Variants in CHODL observed in about 807,000 individuals in gnomAD.
CHODL encodes transmembrane protein MT75.
Under a neutral mutation model 34.5 loss-of-function variants are expected in CHODL, and 29 were observed. That is an observed-to-expected ratio of 0.84 (90% CI 0.63 to 1.15). The LOEUF is 1.15. CHODL is among the 50% of genes most tolerant of loss of function. CHODL has a pLI of 0.00. For missense variants in CHODL, 332 were observed against 332.5 expected (o/e 1.00, Z 0.01); for synonymous variants, 125 against 116.1 (o/e 1.08, Z -0.49).
At chr21:18,137,654 CATTTACCTCTGA>C (rs2072750157) in intron 2 of CHODL, among the ~76,000 whole-genome samples, 2 of 131,310 alleles carry the variant, frequency 1.5e-5, no homozygotes, top group African/African-American at 8.9e-5. Flanking sequence ...ACAAAATTGT[CATTTACCTCTGA>C]AGCAGATGCT....
At chr21:18,172,832 A>G (rs1315445975) in intron 2 of CHODL, among the ~76,000 whole-genome samples, 2 of 152,186 alleles carry the variant, frequency 1.3e-5, no homozygotes, top group Non-Finnish European at 2.9e-5. Context: ...AAATGTGAGT[A>G]CTGCTCAGGA....
At chr21:18,205,051 A>G (rs1388818567) in intron 2 of CHODL, among the ~76,000 whole-genome samples, 1 of 152,140 alleles carries the variant, frequency 6.6e-6, no homozygotes, top group Non-Finnish European at 1.5e-5. Flanking sequence ...GGTGTAGTTT[A>G]CCTAACAGGT....
intron 2 of CHODL, among the ~76,000 whole-genome samples, chr21:18,181,434 G>A (rs978074642): frequency 6.6e-6 from 1 of 152,142 alleles, no homozygotes; most frequent in Non-Finnish European, 1.5e-5. Context: ...ACGGAGTCTC[G>A]CTCTGTCGCC....
intron 1 of CHODL, among the ~76,000 whole-genome samples, chr21:18,024,502 C>T (rs190279777): frequency 6.6e-6 from 1 of 152,088 alleles, no homozygotes; most frequent in African/African-American, 2.4e-5. Context: ...GTGAGCAAAT[C>T]CAAGGATGTT....
rs4818403 is a variant in CHODL, at chr21:18,136,127, A to G, written c.-45+108156A>G. ...TCTCAAAAAAAAAAAAAGAAAAAGA[A>G]AAAAAAGAAAAAATGAATTTCTACA... On this transcript the variant is annotated intron_variant, in intron 2 of 6. Coordinates refer to the CHODL transcript ENST00000400127. 1.4e-5 allele frequency among the ~76,000 whole-genome samples: 2 copies of G among 147,620 alleles called. 1 individual carries two copies. Among genetic ancestry groups the G allele is most frequent in the Admixed American group, 1.4e-4 (2 of 14,798 alleles).
chr21:18,025,093 G>T (rs529749792), intron 1 of CHODL, among the ~76,000 whole-genome samples: 2 of 152,252 alleles, frequency 1.3e-5, no homozygotes, highest in Non-Finnish European at 2.9e-5. Flanking sequence ...TTAAGGAGCT[G>T]TGTTGTTCTT....
At chr21:18,155,623 C>T (rs11700527) in intron 2 of CHODL, among the ~76,000 whole-genome samples, 25,112 of 152,132 alleles carry the variant, frequency 0.17, 2,237 homozygotes, top group East Asian at 0.23. Context: ...TTAGAGAAAC[C>T]TTGTGGTAGA....
At chr21:17,956,613 T>C (rs1325798802) in intron 1 of CHODL, among the ~76,000 whole-genome samples, 1 of 135,526 alleles carries the variant, frequency 7.4e-6, no homozygotes, top group Non-Finnish European at 1.7e-5. Context: ...GGCTGAGAGG[T>C]CCAAGATCAA....
At chr21:18,107,226 T>G (rs919387362) in intron 2 of CHODL, among the ~76,000 whole-genome samples, 1 of 152,232 alleles carries the variant, frequency 6.6e-6, no homozygotes, top group Non-Finnish European at 1.5e-5. Flanking sequence ...GGAAGCTTAA[T>G]CAGATGGTTG....
intron 2 of CHODL, among the ~76,000 whole-genome samples, chr21:18,038,628 A>G (rs1378109652): frequency 1.3e-5 from 2 of 151,750 alleles, no homozygotes; most frequent in Non-Finnish European, 3.0e-5. Flanking sequence ...ATATTTGATG[A>G]CCACTTAAAG....
At chr21:18,017,613 T>A (rs1391945402) in intron 1 of CHODL, among the ~76,000 whole-genome samples, 1 of 152,194 alleles carries the variant, frequency 6.6e-6, no homozygotes, top group Non-Finnish European at 1.5e-5. Context: ...AGAGGACGTA[T>A]GAAAAGCCTA....
intron 2 of CHODL, among the ~76,000 whole-genome samples, chr21:18,120,876 T>C (rs2065471161): frequency 6.6e-6 from 1 of 152,150 alleles, no homozygotes; most frequent in African/African-American, 2.4e-5. Context: ...CATCCCAATA[T>C]AGTCACCACC....
At chr21:18,207,152 G>A (rs1350367182) in intron 2 of CHODL, among the ~76,000 whole-genome samples, 1 of 152,040 alleles carries the variant, frequency 6.6e-6, no homozygotes, top group Non-Finnish European at 1.5e-5. Context: ...TTCTGTCCTT[G>A]TGATACTTTG....
At chr21:18,194,134 G>A (rs2824703) in intron 2 of CHODL, among the ~76,000 whole-genome samples, 66,159 of 151,930 alleles carry the variant, frequency 0.44, 18,119 homozygotes, top group African/African-American at 0.76. Context: ...GCCTCCCTCC[G>A]TTCACTGTTT....
chr21:18,127,669 A>ATTTTT (rs1285324385), intron 2 of CHODL, among the ~76,000 whole-genome samples: 4 of 76,684 alleles, frequency 5.2e-5, no homozygotes, highest in South Asian at 3.9e-4. Context: ...TTGCGTTGCC[A>ATTTTT]TTGTTTTTTT....
intron 1 of CHODL, among the ~76,000 whole-genome samples, chr21:17,927,751 AAT>A (rs1411769761): frequency 6.6e-6 from 1 of 152,184 alleles, no homozygotes; most frequent in African/African-American, 2.4e-5. Context: ...ATGCTGATAG[AAT>A]ATTCTGATGG....
At chr21:18,057,443 T>G (rs1158945890) in intron 2 of CHODL, among the ~76,000 whole-genome samples, 1 of 152,060 alleles carries the variant, frequency 6.6e-6, no homozygotes, top group African/African-American at 2.4e-5. Context: ...CACAGCCTCA[T>G]TCCATATCAA....
chr21:18,111,619 G>A (rs896725843), intron 2 of CHODL, among the ~76,000 whole-genome samples: 3 of 152,092 alleles, frequency 2.0e-5, no homozygotes, highest in African/African-American at 7.2e-5. Context: ...ATCACAAAGT[G>A]GGTATGCCAT....
intron 2 of CHODL, among the ~76,000 whole-genome samples, chr21:18,175,786 G>C (rs1367779074): frequency 6.6e-6 from 1 of 152,162 alleles, no homozygotes; most frequent in East Asian, 1.9e-4. Flanking sequence ...TCTTTGAGGA[G>C]ATGACATTCA....
Sources: allele counts gnomAD v4.1 joint callset (sites outside exome capture counted in the v4.1 genomes callset), GRCh38; gene constraint gnomAD v4.1.1; transcripts MANE v1.5; gene names NCBI Gene and HGNC (gene_info 2026-07-23, HGNC 2026-07-21).